The following SLMAP variants were observed in gnomAD, a reference collection of about 807,000 sequenced individuals.
The protein encoded by SLMAP is sarcolemma associated protein.
Under a neutral mutation model 128.8 loss-of-function variants are expected in SLMAP, and 44 were observed. That is an observed-to-expected ratio of 0.34 (90% CI 0.27 to 0.44). The LOEUF (loss-of-function observed/expected upper bound fraction) is 0.44. Ranked by LOEUF, SLMAP falls within the 20% of genes least tolerant of loss-of-function variation. SLMAP has a pLI of 1.00. For synonymous variants in SLMAP, 327 were observed against 348.8 expected, an observed-to-expected ratio of 0.94 and a Z score of 0.70; for missense variants, 787 against 985.3, an observed-to-expected ratio of 0.80 and a Z score of 2.69.
chr3:57,842,945 A>C (rs1431327127), intron 4 of SLMAP, among the ~76,000 whole-genome samples: 1 of 152,190 alleles, frequency 6.6e-6, no homozygotes, highest in Non-Finnish European at 1.5e-5. Context: ...TGATCAGGCA[A>C]CATTTTTCTC....
intron 20 of SLMAP, 122 bp downstream of exon 20, chr3:57,912,823 G>A: frequency 3.1e-6 from 2 of 646,034 alleles, no homozygotes; most frequent in South Asian, 6.3e-5. Flanking sequence ...ATAAACCAAT[G>A]TTTTTAAATC....
intron 14 of SLMAP, among the ~76,000 whole-genome samples, chr3:57,884,357 G>A (rs999939220): frequency 3.9e-5 from 6 of 152,168 alleles, no homozygotes; most frequent in African/African-American, 1.2e-4. Context: ...ATGTCTGAGG[G>A]GGTAGGTATG....
intron 14 of SLMAP, among the ~76,000 whole-genome samples, chr3:57,889,431 A>G (rs754635233): frequency 1.3e-5 from 2 of 152,230 alleles, no homozygotes; most frequent in African/African-American, 2.4e-5. Context: ...GACATACAGG[A>G]GTAAATAAGG....
At chr3:57,821,431 A>C (rs189393805) in intron 2 of SLMAP, among the ~76,000 whole-genome samples, 1 of 152,314 alleles carries the variant, frequency 6.6e-6, no homozygotes, top group African/African-American at 2.4e-5. Context: ...CACCACTTCT[A>C]TATATTTTCC....
At chr3:57,844,441 C>T (rs1255008467) in intron 4 of SLMAP, among the ~76,000 whole-genome samples, 2 of 151,916 alleles carry the variant, frequency 1.3e-5, no homozygotes, top group African/African-American at 4.8e-5. Flanking sequence ...CATATAATCC[C>T]ACCACTCTAA....
chr3:57,774,809 C>G (rs2081511794), intron 2 of SLMAP, among the ~76,000 whole-genome samples: 1 of 152,070 alleles, frequency 6.6e-6, no homozygotes, highest in Non-Finnish European at 1.5e-5. Context: ...CAGGTGTGAG[C>G]CATTGCGCCC....
At chr3:57,855,372 T>G (rs2094718002) in intron 6 of SLMAP, among the ~76,000 whole-genome samples, 1 of 151,792 alleles carries the variant, frequency 6.6e-6, no homozygotes, top group Admixed American at 6.6e-5. Context: ...AGCAAGGCTC[T>G]GTCTCAAAAA....
intron 2 of SLMAP, among the ~76,000 whole-genome samples, chr3:57,776,933 T>C (rs2082067337): frequency 6.6e-6 from 1 of 152,098 alleles, no homozygotes. Flanking sequence ...ATGGCCCTAA[T>C]TAGCTTAAAA....
chr3:57,833,863 T>C (rs1027482428), intron 3 of SLMAP, among the ~76,000 whole-genome samples: 7 of 152,144 alleles, frequency 4.6e-5, no homozygotes, highest in Middle Eastern at 3.2e-3. Context: ...AGTTGACTTA[T>C]GTTAAGCACG....
intron 2 of SLMAP, among the ~76,000 whole-genome samples, chr3:57,761,770 G>A (rs762195609): frequency 4.6e-5 from 7 of 151,916 alleles, no homozygotes; most frequent in African/African-American, 7.2e-5. Context: ...GAAGAAGGCC[G>A]GGCGCGGTGG....
At chr3:57,804,737 C>T (rs1192023057) in intron 2 of SLMAP, among the ~76,000 whole-genome samples, 1 of 151,688 alleles carries the variant, frequency 6.6e-6, no homozygotes, top group Non-Finnish European at 1.5e-5. Context: ...AGAGTGAAGC[C>T]CTGAATCAAA....
intron 2 of SLMAP, among the ~76,000 whole-genome samples, chr3:57,794,521 C>T (rs1360240332): frequency 2.6e-5 from 4 of 152,150 alleles, no homozygotes; most frequent in East Asian, 1.9e-4. Flanking sequence ...CATCTATTAC[C>T]GCTACCTAAT....
Position 57,906,050 on chromosome 3 carries a change from T to TAAAAAA in SLMAP, c.1502-1818_1502-1813dup, listed in dbSNP as rs1168626870. On this transcript the variant is annotated intron_variant, in intron 17 of 24. Coordinates refer to ENST00000671191, the MANE Select transcript of SLMAP (RefSeq NM_001377540.1). ...TGATGCTTCTCTTCTAAATACTCCTTAAAAAAAAAAAAAAAAAAAAAGAGC... is the reference window on the plus strand; with the variant it reads ...TGATGCTTCTCTTCTAAATACTCCTTAAAAAAAAAAAAAAAAAAAAAAAAAAAGAGC... Among the ~76,000 whole-genome samples, 28 of 105,970 alleles carry TAAAAAA rather than the reference T, an allele frequency of 2.6e-4. No homozygotes were observed. In the South Asian group the frequency reaches 2.8e-3, roughly 11 times the overall value. 69.5% of individuals were successfully genotyped at this position (105,970 alleles called of 152,430 possible). A position where few individuals can be genotyped will look rare whatever the true frequency, so the allele number is the denominator to read the frequency against.
chr3:57,856,582 A>T (rs1227545613), intron 6 of SLMAP, among the ~76,000 whole-genome samples: 1 of 152,170 alleles, frequency 6.6e-6, no homozygotes, highest in Non-Finnish European at 1.5e-5. Context: ...AGTAACATGC[A>T]TGGAGCTGTC....
intron 2 of SLMAP, among the ~76,000 whole-genome samples, chr3:57,802,482 A>G (rs1360505670): frequency 3.3e-5 from 5 of 151,932 alleles, no homozygotes; most frequent in South Asian, 2.1e-4. Context: ...GGGTTTCACT[A>G]TGTTGGCCAG....
intron 3 of SLMAP, among the ~76,000 whole-genome samples, chr3:57,835,321 G>T (rs936098087): frequency 1.8e-4 from 28 of 151,578 alleles, no homozygotes; most frequent in African/African-American, 6.6e-4. Flanking sequence ...TGTGGGCCTG[G>T]CAGCTTGCAC....
In SLMAP at chr3:57,771,922, T is replaced by C. The variant is rs574964616; in HGVS notation, c.198+14073T>C. On this transcript the variant is annotated intron_variant, in intron 2 of 24. Transcript: ENST00000671191. ...ACTTAAGATCCGCCTTACTTGAAGA[T>C]TTGAAATTAAAGAAGTTGGGTAAAT... Among the ~76,000 whole-genome samples, 3 of 152,338 alleles carry C rather than the reference T, an allele frequency of 2.0e-5. No individual in the cohort carries two copies. The South Asian group carries it at 6.2e-4, about 32-fold the overall frequency.
intron 2 of SLMAP, among the ~76,000 whole-genome samples, chr3:57,767,846 C>T: frequency 6.6e-6 from 1 of 152,156 alleles, no homozygotes; most frequent in East Asian, 1.9e-4. Context: ...TTATGAAAAT[C>T]TGTCTTTTGC....
At chr3:57,835,534 A>T (rs1001029204) in intron 3 of SLMAP, among the ~76,000 whole-genome samples, 4 of 152,234 alleles carry the variant, frequency 2.6e-5, no homozygotes, top group Non-Finnish European at 5.9e-5. Flanking sequence ...ATGAGTCAGT[A>T]TCAGGCAGTC....
Sources: allele counts gnomAD v4.1 joint callset (sites outside exome capture counted in the v4.1 genomes callset), GRCh38; gene constraint gnomAD v4.1.1; transcripts MANE v1.5; gene names NCBI Gene and HGNC (gene_info 2026-07-23, HGNC 2026-07-21).